ELMOD3: variants seen among roughly 807,000 people sequenced by gnomAD.
The protein encoded by ELMOD3 is ELMO domain-containing protein 3.
A neutral mutation model predicts 47.4 loss-of-function variants in ELMOD3; 36 were observed. That is an observed-to-expected ratio of 0.76 (90% CI 0.58 to 1.00). The LOEUF (loss-of-function observed/expected upper bound fraction) is 1.00. Ranked by LOEUF, ELMOD3 falls within the 50% of genes least tolerant of loss-of-function variation. The pLI is 0.00. For synonymous variants in ELMOD3, 149 were observed against 183.5 expected (o/e 0.81, Z 1.52); for missense variants, 404 against 463.8 (o/e 0.87, Z 1.18).
chr2:85,389,852 TAG>T (rs1686198302), intron 12 of ELMOD3, 25 bp downstream of exon 12: 1 of 1,597,302 alleles, frequency 6.3e-7, no homozygotes, highest in East Asian at 2.2e-5. Context: ...ACCAGCTGGT[TAG>T]AGTGACCCAG....
rs1558703747 is a variant in ELMOD3, at chr2:85,371,443, GC to G, written c.490del (p.Leu164TrpfsTer19). The G allele has an allele frequency of 1.9e-6, 3 of 1,614,198 alleles. No homozygotes were observed. Among genetic ancestry groups the G allele is most frequent in the Non-Finnish European group, 2.5e-6 (3 of 1,180,034 alleles). On this transcript the variant is annotated frameshift_variant, in exon 10 of 14. Coordinates refer to ENST00000409013, the MANE Select transcript of ELMOD3 (RefSeq NM_001135022.2). LOFTEE classifies it high-confidence loss of function. Reference protein sequence around the residue: ...RDLVLTIAQCGLDSQDPVHGR... With the variant: ...RDLVLTIAQCXLDSQDPVHGR... ...GTGTGGGTGTGTTTTGGGGCAGGTG[GC>G]CTGGATAGCCAAGACCCAGTGCATG...
At position 85,376,591 on chromosome 2, in the gene ELMOD3, G is replaced by A. The variant is rs1368852380; in HGVS notation, c.608-753G>A. Among the ~76,000 whole-genome samples, 1 of 152,198 alleles carries A rather than the reference G, an allele frequency of 6.6e-6. No individual in the cohort carries two copies. Among genetic ancestry groups the A allele is most frequent in the Non-Finnish European group, 1.5e-5 (1 of 68,024 alleles). On this transcript the variant is annotated intron_variant, in intron 10 of 13. Coordinates refer to ENST00000409013, the MANE Select transcript of ELMOD3 (RefSeq NM_001135022.2). This position sits in a 1 kb window ranked among gnomAD's most constrained non-coding sequence, Gnocchi z 4.2. The stretch of plus-strand genomic sequence containing the variant: ...CCCGGCCTTCTCTGACGCTACCCTT[G>A]TGGAGCTAAGGGGTGCCTTGATACA...
At chr2:85,365,506 G>A (rs910236442) in intron 6 of ELMOD3, among the ~76,000 whole-genome samples, 34 of 152,252 alleles carry the variant, frequency 2.2e-4, no homozygotes, top group African/African-American at 7.5e-4. Context: ...CCTAATTAAC[G>A]TGAGCTGTGT....
intron 4 of ELMOD3, among the ~76,000 whole-genome samples, chr2:85,360,213 C>G (rs1683849720): frequency 6.8e-6 from 1 of 148,114 alleles, no homozygotes; most frequent in African/African-American, 2.5e-5. Context: ...TTGAGGTGAG[C>G]CGAGATTGCA....
At position 85,362,227 on chromosome 2, in the gene ELMOD3, G is replaced by A; in HGVS notation, c.96G>A (p.Lys32=). 6.2e-7 allele frequency: 1 copy of A among 1,607,290 alleles called. No homozygotes were observed. Among genetic ancestry groups the A allele is most frequent in the South Asian group, 1.1e-5 (1 of 90,944 alleles). Residue 32 remains lysine, a synonymous_variant, in exon 5 of 14, where the codon AAG becomes AAA. Transcript: ENST00000409013. ...LSAGYSPSYD[K]DKSVLAFRGI... Reference sequence around the variant, plus strand: ...CTGGATATTCTCCATCATATGACAAGGACAAGAGTGTTCTGGCTTTCAGAG... The same window carrying A: ...CTGGATATTCTCCATCATATGACAAAGACAAGAGTGTTCTGGCTTTCAGAG...
At chr2:85,363,340 A>G (rs1010738770) in intron 6 of ELMOD3, among the ~76,000 whole-genome samples, 174 bp downstream of exon 6, 25 of 152,228 alleles carry the variant, frequency 1.6e-4, no homozygotes, top group African/African-American at 5.3e-4. Flanking sequence ...AAAAGACCAG[A>G]GTTCTGATCT....
chr2:85,388,446 C>T (rs915540879), intron 11 of ELMOD3, among the ~76,000 whole-genome samples: 1 of 152,216 alleles, frequency 6.6e-6, no homozygotes, highest in Non-Finnish European at 1.5e-5. Flanking sequence ...CTTTTTTCTG[C>T]ACAGCACTCA....
At chr2:85,372,650 G>A (rs1033713106) in intron 10 of ELMOD3, 2 of 152,094 alleles carry the variant, frequency 1.3e-5, no homozygotes, top group African/African-American at 4.8e-5. Flanking sequence ...AGCACTTTGG[G>A]AGGCCAAGGC....
chr2:85,362,347 GA>G (rs1287773227), intron 5 of ELMOD3, 87 bp downstream of exon 5: 4 of 875,476 alleles, frequency 4.6e-6, no homozygotes, highest in Non-Finnish European at 5.9e-6. Context: ...AGACGCTGGG[GA>G]CACAAGGGTG....
chr2:85,363,216 C>A (rs369014095), intron 6 of ELMOD3, 50 bp downstream of exon 6: 2 of 1,003,382 alleles, frequency 2.0e-6, no homozygotes, highest in Non-Finnish European at 3.2e-6. Flanking sequence ...CCAAGTCAGA[C>A]CTTCCCATGC....
intron 11 of ELMOD3, among the ~76,000 whole-genome samples, chr2:85,380,726 T>C (rs768415880): frequency 6.6e-6 from 1 of 152,202 alleles, no homozygotes; most frequent in South Asian, 2.1e-4. Flanking sequence ...GGTTTTGCCA[T>C]GTTGGCCAGG....
chr2:85,364,821 A>ATT (rs1398237706), intron 6 of ELMOD3, among the ~76,000 whole-genome samples: 190 of 89,140 alleles, frequency 2.1e-3, no homozygotes, highest in Non-Finnish European at 3.2e-3. Context: ...ATATATATAT[A>ATT]TATATTTTTT....
At chr2:85,389,940 A>G in intron 12 of ELMOD3, 113 bp downstream of exon 12, 1 of 1,141,858 alleles carries the variant, frequency 8.8e-7, no homozygotes. Context: ...GAGGGCCTGG[A>G]CAAAGTCCCC....
At position 85,390,821 on chromosome 2, in the gene ELMOD3, G is replaced by A. The variant is rs775265084; in HGVS notation, c.1005G>A (p.Leu335=). 5.8e-6 allele frequency: 9 copies of A among 1,551,614 alleles called. No homozygotes were observed. The Admixed American group carries it at 9.8e-5, about 17-fold the overall frequency. The change falls in exon 14 of 14, where the codon TTG becomes TTA. Residue 335 remains leucine, a synonymous_variant. Coordinates refer to ENST00000409013, the MANE Select transcript of ELMOD3 (RefSeq NM_001135022.2). ...TGCTCAAGACCCTGGAGCTGTACTT[G>A]GCCAGGGTGTCAAAGGGACAGGCCT... ...RRLLKTLELY[L]ARVSKGQASL...
In ELMOD3 at chr2:85,377,384, T is replaced by C. The variant is rs751276835; in HGVS notation, c.648T>C (p.Leu216=). ...CAGACCTGAGAGGCGCAGGCTTCCT[T>C]GCCCTCCTGCATCTGCTCTACCTGG... The part of the protein sequence containing the change: ...PATDLRGAGF[L]ALLHLLYLVM... The change falls in exon 11 of 14, where the codon CTT becomes CTC. Residue 216 remains leucine (L), a synonymous_variant. Coordinates refer to ENST00000409013, the MANE Select transcript of ELMOD3 (RefSeq NM_001135022.2). 61 of 1,610,368 alleles carry C rather than the reference T, an allele frequency of 3.8e-5. No individual in the cohort carries two copies. Among genetic ancestry groups the C allele is most frequent in the Non-Finnish European group, 4.9e-5 (58 of 1,178,270 alleles).
At chr2:85,377,525 A>G (rs1685244906) in intron 11 of ELMOD3, 51 bp downstream of exon 11, 1 of 1,560,714 alleles carries the variant, frequency 6.4e-7, no homozygotes, top group Non-Finnish European at 8.7e-7. Flanking sequence ...TGGAGCTAGG[A>G]CCTGAGTGGC....
At position 85,376,956 on chromosome 2, in the gene ELMOD3, T is replaced by C. The variant is rs1452206949; in HGVS notation, c.608-388T>C. ...CCTCCTTTCAGAGCCTTCTGTTTATTTTATATAGTAATGTCCAGGGCTTTA... is the reference window on the plus strand; with the variant it reads ...CCTCCTTTCAGAGCCTTCTGTTTATCTTATATAGTAATGTCCAGGGCTTTA... On this transcript the variant is annotated intron_variant, in intron 10 of 13. Coordinates refer to ENST00000409013, the MANE Select transcript of ELMOD3 (RefSeq NM_001135022.2). The surrounding 1 kb of genome is among the most constrained non-coding windows in gnomAD (Gnocchi z 4.2). 1 of 153,320 alleles carries C rather than the reference T, an allele frequency of 6.5e-6. No homozygotes were observed. Among genetic ancestry groups the C allele is most frequent in the African/African-American group, 2.4e-5 (1 of 41,502 alleles). 9.5% of individuals were successfully genotyped at this position (153,320 alleles called of 1,614,324 possible).
Position 85,390,781 on chromosome 2 carries a change from A to G in ELMOD3, c.965A>G (p.Lys322Arg). 6.4e-7 allele frequency: 1 copy of G among 1,551,368 alleles called. No homozygotes were observed. The highest frequency in any genetic ancestry group is 1.4e-5 in the African/African-American group (1 of 73,168). ...GCAGAGTTGGAAGTATTGGCCAAGA[A>G]GAGCCCACGGCGGCTGCTCAAGACC... ...VLKELEVLAK[K>R]SPRRLLKTLE... Residue 322 changes from lysine (K) to arginine (R), a missense_variant, in exon 14 of 14, where the codon AAG becomes AGG. Lys to Arg is a conservative substitution (Grantham distance 26, BLOSUM62 2). Transcript: ENST00000409013.
At chr2:85,390,061 G>C (rs752156076) in intron 12 of ELMOD3, 77 bp from the exon 13 acceptor site, 1 of 1,443,322 alleles carries the variant, frequency 6.9e-7, no homozygotes, top group Non-Finnish European at 9.8e-7. Flanking sequence ...TGGGGAAATG[G>C]GGAAGGAAGG....
Sources: gnomAD v4.1 joint callset for allele counts (sites outside exome capture counted in the v4.1 genomes callset) on GRCh38, gnomAD v4.1.1 for gene constraint, Gnocchi (gnomAD v3.1) non-coding constraint, MANE v1.5 for transcripts, NCBI Gene and HGNC (gene_info 2026-07-23, HGNC 2026-07-21) for gene names.